The following FMN1 variants were observed in gnomAD, a reference collection of about 807,000 sequenced individuals.
The protein encoded by FMN1 is formin-1.
FMN1 carries 110 observed loss-of-function variants against 132.4 expected under a neutral mutation model. The observed-to-expected ratio is 0.83, with a 90% CI of 0.71 to 0.97. FMN1 has a LOEUF of 0.97. FMN1 is among the 50% of genes least tolerant of loss of function. FMN1 has a pLI of 0.00. For missense variants in FMN1, 1,792 were observed against 1,705.3 expected, an observed-to-expected ratio of 1.05 and a Z score of -0.90; for synonymous variants, 722 against 651.7, an observed-to-expected ratio of 1.11 and a Z score of -1.64.
At chr15:33,069,204 T>C (rs775534593) in intron 5 of FMN1, among the ~76,000 whole-genome samples, 1 of 152,212 alleles carries the variant, frequency 6.6e-6, no homozygotes, top group Admixed American at 6.5e-5. Flanking sequence ...TACCACTCTA[T>C]TTATATGCTG....
chr15:32,950,054 C>CATATATATATATACACACAT lies in FMN1; in HGVS notation c.3138+14052_3138+14053insATGTGTGTATATATATATAT, dbSNP rs1567449834. Reference sequence around the variant, plus strand: ...ATATACACATATATATATATATACACATATATATATATATATATATATATA... The same window carrying CATATATATATATACACACAT: ...ATATACACATATATATATATATACACATATATATATATACACACATATATATATATATATATATATATATA... On this transcript the variant is annotated intron_variant, in intron 9 of 20. Coordinates refer to ENST00000616417, the MANE Select transcript of FMN1 (RefSeq NM_001277313.2). Among the ~76,000 whole-genome samples, 4 of 4,922 alleles carry CATATATATATATACACACAT rather than the reference C, an allele frequency of 8.1e-4. 2 individuals carry two copies. Among genetic ancestry groups the CATATATATATATACACACAT allele is most frequent in the Non-Finnish European group, 2.1e-3 (4 of 1,878 alleles). The allele number at this position is 4,922 out of a possible 152,430, so 3.2% of individuals were successfully genotyped here. A position where few individuals can be genotyped will look rare whatever the true frequency, so the allele number is the denominator to read the frequency against.
At chr15:32,949,216 A>T (rs1596327791) in intron 9 of FMN1, among the ~76,000 whole-genome samples, 1 of 152,146 alleles carries the variant, frequency 6.6e-6, no homozygotes, top group Non-Finnish European at 1.5e-5. Context: ...TGGTACCAAA[A>T]AAGAGCCCGA....
At chr15:32,964,333 A>T in intron 8 of FMN1, 76 bp from the exon 9 acceptor site, 1 of 1,043,502 alleles carries the variant, frequency 9.6e-7, no homozygotes. Flanking sequence ...TCTTTCTCTA[A>T]TCCATTTTTT....
In FMN1 at chr15:33,153,666, C is replaced by T. The variant is rs1201300113; in HGVS notation, c.1249G>A (p.Val417Met). Residue 417 changes from valine to methionine, a missense_variant, in exon 4 of 21, where the codon GTG (valine) becomes ATG (methionine). Val to Met is a conservative substitution (Grantham distance 21). Coordinates refer to ENST00000616417, the MANE Select transcript of FMN1 (RefSeq NM_001277313.2). ...SSVSASAEGA[V>M]NKVPLKVIES... ...ATCACCTTCAGGGGGACCTTGTTCA[C>T]GGCCCCCTCGGCACTGGCCGACACA... 8.5e-6 allele frequency: 13 copies of T among 1,536,244 alleles called. No homozygotes were observed. Among genetic ancestry groups the T allele is most frequent in the African/African-American group, 6.8e-5 (5 of 73,052 alleles).
chr15:32,795,087 C>G (rs1436514666), intron 19 of FMN1, among the ~76,000 whole-genome samples: 2 of 152,164 alleles, frequency 1.3e-5, no homozygotes, highest in African/African-American at 4.8e-5. Flanking sequence ...GTAGTCCCAG[C>G]TACTCAGTAG....
intron 6 of FMN1, among the ~76,000 whole-genome samples, chr15:33,062,278 A>G (rs980603842): frequency 6.6e-6 from 1 of 152,348 alleles, no homozygotes; most frequent in Non-Finnish European, 1.5e-5. Flanking sequence ...TTTATAATAC[A>G]TCATGTATAA....
intron 4 of FMN1, among the ~76,000 whole-genome samples, chr15:33,121,037 T>C (rs1489111951): frequency 6.6e-6 from 1 of 152,190 alleles, no homozygotes. Flanking sequence ...CCTTCATTCA[T>C]ATAACCCAAA....
At chr15:33,104,593 CTCAA>C (rs1237381838) in intron 4 of FMN1, among the ~76,000 whole-genome samples, 2 of 151,960 alleles carry the variant, frequency 1.3e-5, no homozygotes, top group Admixed American at 1.3e-4. Flanking sequence ...TCACTGAGAA[CTCAA>C]TCAGCTAAAG....
chr15:33,109,757 AAAT>A lies in FMN1; in HGVS notation c.1868-20786_1868-20784del, dbSNP rs200960829. On this transcript the variant is annotated intron_variant, in intron 4 of 20. Transcript: ENST00000616417. ...TACTGGGCCTAATACCTGGGTGATG[AAAT>A]AATATGTACAACAACCCCCCATGAC... 4.5e-3 allele frequency among the ~76,000 whole-genome samples: 680 copies of A among 152,126 alleles called. 3 individuals carry two copies. Among genetic ancestry groups the A allele is most frequent in the African/African-American group, 0.016 (654 of 41,536 alleles).
chr15:33,040,673 G>A (rs2036392152), intron 6 of FMN1, among the ~76,000 whole-genome samples: 1 of 152,330 alleles, frequency 6.6e-6, no homozygotes, highest in Non-Finnish European at 1.5e-5. Flanking sequence ...TACACCACCA[G>A]ATAGAATATG....
At chr15:32,853,980 T>C (rs2059068211) in intron 17 of FMN1, among the ~76,000 whole-genome samples, 1 of 152,328 alleles carries the variant, frequency 6.6e-6, no homozygotes, top group South Asian at 2.1e-4. Context: ...CTGATAGAAA[T>C]AGAATGTGAA....
At chr15:33,106,475 T>C (rs1459328263) in intron 4 of FMN1, among the ~76,000 whole-genome samples, 1 of 152,074 alleles carries the variant, frequency 6.6e-6, no homozygotes, top group African/African-American at 2.4e-5. Flanking sequence ...GTCATTCTGA[T>C]ATATCCCCAA....
At chr15:32,845,821 A>G (rs1413974498) in intron 17 of FMN1, among the ~76,000 whole-genome samples, 1 of 152,234 alleles carries the variant, frequency 6.6e-6, no homozygotes, top group African/African-American at 2.4e-5. Context: ...AAAGTGGGAC[A>G]ATAAGAATGC....
intron 17 of FMN1, among the ~76,000 whole-genome samples, chr15:32,835,563 T>C (rs768402909): frequency 5.3e-5 from 8 of 152,346 alleles, no homozygotes; most frequent in Non-Finnish European, 8.8e-5. Flanking sequence ...TTTCTCACCA[T>C]GGACTGTGAT....
chr15:33,083,211 A>T (rs934499965), intron 5 of FMN1, among the ~76,000 whole-genome samples: 2 of 152,228 alleles, frequency 1.3e-5, no homozygotes, highest in Admixed American at 6.5e-5. Context: ...AGAGCCATAG[A>T]AGTAGTAATA....
At chr15:32,839,787 T>G (rs1358973300) in intron 17 of FMN1, among the ~76,000 whole-genome samples, 1 of 149,426 alleles carries the variant, frequency 6.7e-6, no homozygotes, top group African/African-American at 2.4e-5. Flanking sequence ...ACCTCCCCAC[T>G]GCTTAGCTCA....
At chr15:33,092,348 T>C (rs922434258) in intron 4 of FMN1, among the ~76,000 whole-genome samples, 2 of 152,116 alleles carry the variant, frequency 1.3e-5, no homozygotes, top group African/African-American at 2.4e-5. Flanking sequence ...CTAGCAGGGG[T>C]ACATTGGATT....
intron 15 of FMN1, among the ~76,000 whole-genome samples, chr15:32,889,780 T>A (rs182846734): frequency 3.0e-4 from 46 of 152,324 alleles, no homozygotes; most frequent in Non-Finnish European, 5.0e-4. Flanking sequence ...CACCATTAAT[T>A]TTTTTCCCAT....
intron 16 of FMN1, among the ~76,000 whole-genome samples, chr15:32,876,982 C>G (rs2059652166): frequency 6.6e-6 from 1 of 152,150 alleles, no homozygotes; most frequent in African/African-American, 2.4e-5. Context: ...AAGCGCTCTG[C>G]TCTATAAAGA....
Sources: gnomAD v4.1 joint callset for allele counts (sites outside exome capture counted in the v4.1 genomes callset) on GRCh38, gnomAD v4.1.1 for gene constraint, MANE v1.5 for transcripts, NCBI Gene and HGNC (gene_info 2026-07-23, HGNC 2026-07-21) for gene names.